Variants in CDYL2 observed in about 807,000 individuals in gnomAD.
The protein encoded by CDYL2 is chromodomain Y-like protein 2.
In CDYL2, 23 loss-of-function variants were observed where a neutral mutation model predicts 49.4. The ratio of observed to expected loss-of-function variants is 0.47; its 90% CI spans 0.34 to 0.66. The LOEUF (loss-of-function observed/expected upper bound fraction) is 0.66. Among genes scored for constraint, CDYL2 ranks in the 30% least tolerant of loss-of-function variants. The probability of loss-of-function intolerance (pLI) is 0.01; values close to 1 mark genes in which losing one functional copy is unlikely to be tolerated. For missense variants in CDYL2, 678 were observed against 656.4 expected (o/e 1.03, Z -0.36); for synonymous variants, 360 against 268.8 (o/e 1.34, Z -3.32).
intron 1 of CDYL2, among the ~76,000 whole-genome samples, chr16:80,783,281 G>C (rs975915056): frequency 6.6e-6 from 1 of 152,110 alleles, no homozygotes; most frequent in Non-Finnish European, 1.5e-5. Flanking sequence ...AACAACATTA[G>C]TCACTTAGGG....
chr16:80,737,502 C>T (rs889783231), intron 1 of CDYL2, among the ~76,000 whole-genome samples: 2 of 152,218 alleles, frequency 1.3e-5, no homozygotes, highest in Non-Finnish European at 2.9e-5. Context: ...CTGTATTAAA[C>T]TGTACCTTGC....
chr16:80,604,342 A>C lies in CDYL2; in HGVS notation c.*46T>G. The C allele has an allele frequency of 6.2e-7, 1 of 1,610,302 alleles. No homozygotes were observed. The highest frequency in any genetic ancestry group is 8.5e-7 in the Non-Finnish European group (1 of 1,178,138). On this transcript the variant is annotated 3_prime_UTR_variant, in exon 7 of 7. Coordinates refer to ENST00000570137, the MANE Select transcript of CDYL2 (RefSeq NM_152342.4). Reference sequence around the variant, plus strand: ...GCAGACACTGTGCTCTGGTTTCCGAAACACAGGGCAGAGCTGGAAGTTGGG... The same window carrying C: ...GCAGACACTGTGCTCTGGTTTCCGACACACAGGGCAGAGCTGGAAGTTGGG...
chr16:80,682,948 C>A (rs1274991032), intron 2 of CDYL2, among the ~76,000 whole-genome samples: 3 of 152,158 alleles, frequency 2.0e-5, no homozygotes, highest in Non-Finnish European at 4.4e-5. Flanking sequence ...CTAAGTAAAT[C>A]CTGTTTGGGT....
intron 2 of CDYL2, among the ~76,000 whole-genome samples, chr16:80,666,203 C>T (rs1003832086): frequency 6.6e-6 from 1 of 152,206 alleles, no homozygotes; most frequent in African/African-American, 2.4e-5. Context: ...TATTTGAACA[C>T]ACGGAGCCTC....
intron 2 of CDYL2, 30 bp downstream of exon 2, chr16:80,684,508 C>G (rs202190020): frequency 2.5e-6 from 4 of 1,591,604 alleles, no homozygotes; most frequent in Non-Finnish European, 2.6e-6. Flanking sequence ...ATGGCCAGAG[C>G]CAAACCCAAG....
At chr16:80,618,573 A>G (rs1273205926) in intron 4 of CDYL2, among the ~76,000 whole-genome samples, 2 of 151,912 alleles carry the variant, frequency 1.3e-5, no homozygotes, top group Non-Finnish European at 2.9e-5. Flanking sequence ...ATGAGACCTG[A>G]CCCCCTGGGT....
chr16:80,630,370 C>T (rs72824142), intron 3 of CDYL2, among the ~76,000 whole-genome samples: 18,499 of 152,208 alleles, frequency 0.12, 1,444 homozygotes, highest in Middle Eastern at 0.18. Flanking sequence ...AGGGCTGCTC[C>T]ACAGAGGGAA....
Position 80,646,842 on chromosome 16 carries a change from T to C in CDYL2, c.617-13606A>G, listed in dbSNP as rs4494558. Among the ~76,000 whole-genome samples the C allele has an allele frequency of 2.2e-3, 334 of 149,478 alleles. 1 individual carries two copies. Among genetic ancestry groups the C allele is most frequent in the African/African-American group, 7.9e-3 (321 of 40,474 alleles). Reference sequence around the variant, plus strand: ...AAACAAACAAAAAAACAAGACCCAATGATCTGCTGCCTGTAAGAAACACAC... The same window carrying C: ...AAACAAACAAAAAAACAAGACCCAACGATCTGCTGCCTGTAAGAAACACAC... On this transcript the variant is annotated intron_variant, in intron 2 of 6. Transcript: ENST00000570137.
At chr16:80,751,559 G>C (rs540604898) in intron 1 of CDYL2, among the ~76,000 whole-genome samples, 9 of 152,320 alleles carry the variant, frequency 5.9e-5, no homozygotes, top group African/African-American at 2.2e-4. Context: ...CTTGAGGATG[G>C]AAAAGCTAGG....
At chr16:80,791,254 G>C (rs1485897670) in intron 1 of CDYL2, among the ~76,000 whole-genome samples, 1 of 152,194 alleles carries the variant, frequency 6.6e-6, no homozygotes, top group East Asian at 1.9e-4. Context: ...GGAAAACTGA[G>C]AGACTGAAAA....
chr16:80,803,609 G>T (rs1907996596), intron 1 of CDYL2, among the ~76,000 whole-genome samples: 1 of 52,190 alleles, frequency 1.9e-5, no homozygotes, highest in Non-Finnish European at 3.6e-5. Flanking sequence ...CTCCCCCTTC[G>T]CAGCCCCCCG....
chr16:80,650,757 G>T (rs1908547732), intron 2 of CDYL2, among the ~76,000 whole-genome samples: 1 of 152,048 alleles, frequency 6.6e-6, no homozygotes, highest in Non-Finnish European at 1.5e-5. Flanking sequence ...AGAAAATGTG[G>T]TACTTATACA....
At chr16:80,756,385 G>C (rs550699233) in intron 1 of CDYL2, among the ~76,000 whole-genome samples, 2 of 152,206 alleles carry the variant, frequency 1.3e-5, no homozygotes, top group South Asian at 2.1e-4. Flanking sequence ...AAGGGAATTT[G>C]TTAACAAGAA....
intron 3 of CDYL2, among the ~76,000 whole-genome samples, chr16:80,627,201 G>A (rs115475823): frequency 0.012 from 1,768 of 152,168 alleles, 41 homozygotes; most frequent in African/African-American, 0.04. Context: ...AAAGCTCACA[G>A]GCCACTATCT....
At chr16:80,621,070 G>A in intron 3 of CDYL2, 135 bp from the exon 4 acceptor site, 8 of 984,936 alleles carry the variant, frequency 8.1e-6, no homozygotes, top group South Asian at 2.0e-5. Context: ...TGTGCAGGGA[G>A]CCTCCCCTGA....
intron 1 of CDYL2, among the ~76,000 whole-genome samples, chr16:80,712,992 T>A (rs1904672243): frequency 6.6e-6 from 1 of 152,146 alleles, no homozygotes; most frequent in Non-Finnish European, 1.5e-5. Flanking sequence ...CGAAGTCAAA[T>A]GCACTCCAGG....
intron 2 of CDYL2, among the ~76,000 whole-genome samples, chr16:80,666,705 A>G (rs1318639223): frequency 6.6e-6 from 1 of 152,170 alleles, no homozygotes; most frequent in Admixed American, 6.5e-5. Flanking sequence ...CACCCAGGAC[A>G]ACTCAAGGAG....
chr16:80,611,520 G>C (rs988999548), intron 5 of CDYL2, among the ~76,000 whole-genome samples: 1 of 152,172 alleles, frequency 6.6e-6, no homozygotes, highest in African/African-American at 2.4e-5. Flanking sequence ...ACTCGGACCA[G>C]CTACATGTTC....
chr16:80,787,540 C>T (rs1907477111), intron 1 of CDYL2, among the ~76,000 whole-genome samples: 1 of 152,150 alleles, frequency 6.6e-6, no homozygotes, highest in Admixed American at 6.5e-5. Flanking sequence ...AGTGTCAGGT[C>T]ACCTAGAAAA....
Sources: gnomAD v4.1 joint callset for allele counts (sites outside exome capture counted in the v4.1 genomes callset) on GRCh38, gnomAD v4.1.1 for gene constraint, MANE v1.5 for transcripts, NCBI Gene and HGNC (gene_info 2026-07-23, HGNC 2026-07-21) for gene names.